NELL1: variants seen among roughly 807,000 people sequenced by gnomAD.
NELL1 encodes protein kinase C-binding protein NELL1.
In NELL1, 76 loss-of-function variants were observed where a neutral mutation model predicts 107.4. The ratio of observed to expected loss-of-function variants is 0.71; its 90% CI spans 0.59 to 0.86. NELL1 has a LOEUF of 0.86. Among genes scored for constraint, NELL1 ranks in the 40% least tolerant of loss-of-function variants. NELL1 has a pLI of 0.00. For synonymous variants in NELL1, 353 were observed against 341.2 expected (o/e 1.03, Z -0.38); for missense variants, 1,024 against 1,005.5 (o/e 1.02, Z -0.25).
chr11:20,795,016 C>G (rs896745719), intron 3 of NELL1, among the ~76,000 whole-genome samples: 1 of 152,174 alleles, frequency 6.6e-6, no homozygotes, highest in Non-Finnish European at 1.5e-5. Flanking sequence ...ATCACTGTTT[C>G]CAATCTCTGC....
Position 20,960,421 on chromosome 11 carries a change from G to T in NELL1, c.1172-11G>T. ...CCTTTTCTGATGTACGTTTTTATTT[G>T]TTTTTTCTAGGTCATAACTTTTGTG... On this transcript the variant is annotated splice_polypyrimidine_tract_variant and intron_variant, in intron 11 of 19. Transcript: ENST00000357134. 6.2e-7 allele frequency: 1 copy of T among 1,611,540 alleles called. No homozygotes were observed. Among genetic ancestry groups the T allele is most frequent in the Non-Finnish European group, 8.5e-7 (1 of 1,179,030 alleles).
chr11:21,407,025 C>T (rs895392384), intron 15 of NELL1, among the ~76,000 whole-genome samples: 2 of 152,052 alleles, frequency 1.3e-5, no homozygotes, highest in African/African-American at 4.8e-5. Context: ...ATGTTTTTAG[C>T]TTCCACGTAT....
chr11:21,258,372 T>C (rs989746534), intron 14 of NELL1, among the ~76,000 whole-genome samples: 1 of 152,006 alleles, frequency 6.6e-6, no homozygotes, highest in Admixed American at 6.6e-5. Flanking sequence ...AAAGTATTAA[T>C]TAGGATTCTC....
At chr11:21,250,389 G>A (rs747690923) in intron 14 of NELL1, among the ~76,000 whole-genome samples, 5 of 152,136 alleles carry the variant, frequency 3.3e-5, no homozygotes, top group East Asian at 1.9e-4. Context: ...CTATGACACA[G>A]CCACCACTTT....
At chr11:20,902,318 A>C (rs554513530) in intron 5 of NELL1, among the ~76,000 whole-genome samples, 7 of 152,256 alleles carry the variant, frequency 4.6e-5, no homozygotes, top group African/African-American at 1.7e-4. Context: ...AAGATATAGA[A>C]GGATGGTTTT....
chr11:20,981,257 A>T lies in NELL1; in HGVS notation c.1300+20697A>T, dbSNP rs564267802. On this transcript the variant is annotated intron_variant, in intron 12 of 19. Coordinates refer to ENST00000357134, the MANE Select transcript of NELL1 (RefSeq NM_006157.5). ...GTATTTTGACAACTTTATTTATCAA[A>T]TTCTTAATTTTTTTCATTTTAAAAG... is the stretch of plus-strand genomic sequence containing the variant. Among the ~76,000 whole-genome samples the T allele has an allele frequency of 2.5e-3, 385 of 152,302 alleles. 1 individual carries two copies. The highest frequency in any genetic ancestry group is 4.5e-3 in the Non-Finnish European group (303 of 68,020).
intron 7 of NELL1, among the ~76,000 whole-genome samples, chr11:20,922,189 T>G (rs1451298720): frequency 6.6e-6 from 1 of 152,072 alleles, no homozygotes; most frequent in Non-Finnish European, 1.5e-5. Context: ...TGTCCCCCTA[T>G]ACCCTGTGCA....
intron 2 of NELL1, chr11:20,773,524 C>T (rs1337817344): frequency 6.7e-6 from 1 of 148,502 alleles, no homozygotes; most frequent in East Asian, 2.0e-4. Flanking sequence ...AAGATGGAGT[C>T]TGGCTCTCTG....
intron 2 of NELL1, among the ~76,000 whole-genome samples, chr11:20,689,697 T>C (rs1300328766): frequency 6.7e-6 from 1 of 150,018 alleles, no homozygotes; most frequent in East Asian, 1.9e-4. Flanking sequence ...GTTGGACATT[T>C]GGGTTGGTTC....
chr11:21,553,211 TAG>T (rs1301697638), intron 16 of NELL1, among the ~76,000 whole-genome samples: 6 of 151,818 alleles, frequency 4.0e-5, no homozygotes, highest in South Asian at 2.1e-4. Flanking sequence ...TCTGTCAAAA[TAG>T]AGAGTTAGTT....
chr11:21,114,664 T>G (rs543736450), intron 13 of NELL1, among the ~76,000 whole-genome samples: 3 of 152,142 alleles, frequency 2.0e-5, no homozygotes, highest in Non-Finnish European at 2.9e-5. Context: ...TATAAGTTAC[T>G]ATTCTTTGGG....
intron 16 of NELL1, among the ~76,000 whole-genome samples, chr11:21,547,338 G>A (rs956320087): frequency 4.0e-5 from 6 of 151,866 alleles, no homozygotes; most frequent in African/African-American, 1.4e-4. Context: ...CAAGGATGGT[G>A]AGATTTCCAG....
chr11:21,000,211 C>T (rs904873135), intron 12 of NELL1, among the ~76,000 whole-genome samples: 1 of 151,804 alleles, frequency 6.6e-6, no homozygotes, highest in Non-Finnish European at 1.5e-5. Context: ...CACATGTATA[C>T]ATATGTAACT....
intron 12 of NELL1, among the ~76,000 whole-genome samples, chr11:21,032,774 G>A (rs1201438297): frequency 2.0e-5 from 3 of 152,040 alleles, no homozygotes; most frequent in Non-Finnish European, 4.4e-5. Flanking sequence ...TGTTACTACC[G>A]AAATCAATTG....
chr11:21,345,039 T>C (rs1378700743), intron 14 of NELL1, among the ~76,000 whole-genome samples: 2 of 152,174 alleles, frequency 1.3e-5, no homozygotes. Context: ...GGCTCAGAGT[T>C]AACACTGGGA....
intron 13 of NELL1, among the ~76,000 whole-genome samples, chr11:21,130,239 T>C (rs2133755974): frequency 6.6e-6 from 1 of 152,340 alleles, no homozygotes; most frequent in Admixed American, 6.5e-5. Flanking sequence ...TCTCTAGTAC[T>C]GTCTTGTGGA....
intron 14 of NELL1, among the ~76,000 whole-genome samples, chr11:21,347,699 A>T (rs1023097071): frequency 3.3e-5 from 5 of 152,218 alleles, no homozygotes; most frequent in African/African-American, 1.2e-4. Context: ...TTAACAAATT[A>T]TGGACATATA....
intron 14 of NELL1, among the ~76,000 whole-genome samples, chr11:21,353,040 T>C (rs1019004183): frequency 1.3e-5 from 2 of 152,128 alleles, no homozygotes; most frequent in African/African-American, 2.4e-5. Context: ...TAGATTCCTT[T>C]CCAGCTGAGA....
chr11:20,931,375 A>G (rs1850614615), intron 9 of NELL1, among the ~76,000 whole-genome samples: 1 of 152,226 alleles, frequency 6.6e-6, no homozygotes, highest in Non-Finnish European at 1.5e-5. Context: ...AACACTAATC[A>G]GTGGAATTTC....
Sources: gnomAD v4.1 joint callset for allele counts (sites outside exome capture counted in the v4.1 genomes callset) on GRCh38, gnomAD v4.1.1 for gene constraint, MANE v1.5 for transcripts, NCBI Gene and HGNC (gene_info 2026-07-23, HGNC 2026-07-21) for gene names.